The following SPSB4 variants were observed in gnomAD, a reference collection of about 807,000 sequenced individuals.
SPSB4 encodes the protein splA/ryanodine receptor domain and SOCS box containing 4.
SPSB4 carries 21 observed loss-of-function variants against 20.9 expected under a neutral mutation model. That is an observed-to-expected ratio of 1.01 (90% CI 0.71 to 1.45). The LOEUF (loss-of-function observed/expected upper bound fraction) is 1.45, where lower values mean the gene tolerates loss of function less well. SPSB4 is among the 40% of genes most tolerant of loss of function. SPSB4 has a pLI of 0.00. For synonymous variants in SPSB4, 207 were observed against 183.8 expected, an observed-to-expected ratio of 1.13 and a Z score of -1.02; for missense variants, 399 against 399.2, an observed-to-expected ratio of 1.00 and a Z score of 0.00.
At chr3:141,092,247 GT>G (rs1356229984) in intron 2 of SPSB4, among the ~76,000 whole-genome samples, 1 of 152,202 alleles carries the variant, frequency 6.6e-6, no homozygotes, top group Non-Finnish European at 1.5e-5. Flanking sequence ...TCTCAGCATT[GT>G]TTAAGGATTA....
intron 2 of SPSB4, among the ~76,000 whole-genome samples, chr3:141,087,191 G>A (rs1938361008): frequency 6.6e-6 from 1 of 152,150 alleles, no homozygotes; most frequent in South Asian, 2.1e-4. Flanking sequence ...GTCCTTCTGG[G>A]GCTGGCGTAG....
rs563130823 is a variant in SPSB4 at position 141,122,557 on chromosome 3, G to A, written c.695-24585G>A. 4.6e-5 allele frequency among the ~76,000 whole-genome samples: 7 copies of A among 152,350 alleles called. No individual in the cohort carries two copies. In the East Asian group the frequency reaches 7.7e-4, roughly 17 times the overall value. On this transcript the variant is annotated intron_variant, in intron 2 of 2. Transcript: ENST00000310546. ...AATCTACAGCAAGGCAGCAGGCCTT[G>A]CTGAGCTGTGGTGGGCTCTGTCCTA...
At chr3:141,131,554 T>A (rs1939130299) in intron 2 of SPSB4, among the ~76,000 whole-genome samples, 1 of 150,648 alleles carries the variant, frequency 6.6e-6, no homozygotes, top group South Asian at 2.1e-4. Flanking sequence ...CTGCCCTAAC[T>A]TCATCACCTT....
chr3:141,098,578 G>A (rs115638402), intron 2 of SPSB4, among the ~76,000 whole-genome samples: 1 of 151,936 alleles, frequency 6.6e-6, no homozygotes, highest in African/African-American at 2.4e-5. Flanking sequence ...TTCCTAACTT[G>A]CTATTTGTCT....
At chr3:141,134,278 C>A (rs1332657162) in intron 2 of SPSB4, among the ~76,000 whole-genome samples, 2 of 151,946 alleles carry the variant, frequency 1.3e-5, no homozygotes, top group Non-Finnish European at 2.9e-5. Context: ...AGTTTGACTT[C>A]CTCTTTACAG....
intron 2 of SPSB4, chr3:141,077,031 T>C (rs1576520914): frequency 6.6e-6 from 1 of 152,090 alleles, no homozygotes; most frequent in Non-Finnish European, 1.5e-5. Flanking sequence ...ATTTACAGGG[T>C]CGGGAGCCAG....
In SPSB4 at chr3:141,066,186, G is replaced by T. The variant is rs1937866997; in HGVS notation, c.82G>T (p.Gly28Cys). Reference sequence around the variant, plus strand: ...GCGGCCGGCCAAGCGGGAGCTGCGGGGTGCAGAGCCCGGGCGGCCGGCGCG... The same window carrying T: ...GCGGCCGGCCAAGCGGGAGCTGCGGTGTGCAGAGCCCGGGCGGCCGGCGCG... ...ALRPAKRELR[G>C]AEPGRPARLD... The change falls in exon 2 of 3, where the codon GGT (glycine) becomes TGT (cysteine). Residue 28 changes from glycine to cysteine, a missense_variant. By Grantham distance (159) the Gly-to-Cys change is radical (BLOSUM62 -3). Transcript: ENST00000310546. 6.5e-7 allele frequency: 1 copy of T among 1,531,758 alleles called. No individual in the cohort carries two copies. The highest frequency in any genetic ancestry group is 2.1e-5 in the Admixed American group (1 of 48,624). The allele number at this position is 1,531,758 out of a possible 1,614,324, so 94.9% of individuals were successfully genotyped here.
intron 2 of SPSB4, among the ~76,000 whole-genome samples, chr3:141,067,134 A>G (rs1315921397): frequency 6.6e-6 from 1 of 152,212 alleles, no homozygotes; most frequent in African/African-American, 2.4e-5. Context: ...TTGAGTGTTG[A>G]TGCCAATTAC....
intron 2 of SPSB4, among the ~76,000 whole-genome samples, chr3:141,076,696 C>T (rs959659719): frequency 1.8e-4 from 27 of 152,326 alleles, no homozygotes; most frequent in African/African-American, 6.3e-4. Flanking sequence ...AGGCCTACTC[C>T]AGCACCCACA....
chr3:141,136,863 C>T (rs1187478629), intron 2 of SPSB4, among the ~76,000 whole-genome samples: 1 of 152,100 alleles, frequency 6.6e-6, no homozygotes, highest in Non-Finnish European at 1.5e-5. Flanking sequence ...GTAGTTTTTT[C>T]CAATTCTGTG....
chr3:141,087,238 G>T (rs754941265), intron 2 of SPSB4, among the ~76,000 whole-genome samples: 12 of 152,178 alleles, frequency 7.9e-5, no homozygotes, highest in Non-Finnish European at 1.5e-4. Context: ...GCAGTAGGTT[G>T]ACTGGCCGGA....
At chr3:141,143,561 A>T (rs565487962) in intron 2 of SPSB4, among the ~76,000 whole-genome samples, 1 of 152,302 alleles carries the variant, frequency 6.6e-6, no homozygotes, top group African/African-American at 2.4e-5. Context: ...CTTTGGTTAT[A>T]GATGTTTAGT....
At chr3:141,107,695 G>A (rs1237030709) in intron 2 of SPSB4, among the ~76,000 whole-genome samples, 1 of 152,194 alleles carries the variant, frequency 6.6e-6, no homozygotes, top group African/African-American at 2.4e-5. Flanking sequence ...AGTGGCTCAG[G>A]CCTGTAATCC....
rs1343511249 is a variant in SPSB4 at position 141,096,851 on chromosome 3, AT to A, written c.694+30059del. 2.6e-5 allele frequency among the ~76,000 whole-genome samples: 4 copies of A among 152,066 alleles called. No individual in the cohort carries two copies. In the South Asian group the frequency reaches 8.3e-4, roughly 32 times the overall value. Reference sequence around the variant, plus strand: ...AATAAATTCACCATATGTCTCAAACATTTTTTAAGGCCCTTGAAAAACACAT... The same window carrying A: ...AATAAATTCACCATATGTCTCAAACATTTTTAAGGCCCTTGAAAAACACAT... On this transcript the variant is annotated intron_variant, in intron 2 of 2. Coordinates refer to ENST00000310546, the MANE Select transcript of SPSB4 (RefSeq NM_080862.3).
chr3:141,137,178 G>T (rs1052753541), intron 2 of SPSB4, among the ~76,000 whole-genome samples: 6 of 152,128 alleles, frequency 3.9e-5, no homozygotes, highest in Non-Finnish European at 1.5e-5. Context: ...TGTGATTTTT[G>T]CACATTGATT....
chr3:141,111,354 C>CTTTT lies in SPSB4; in HGVS notation c.695-35765_695-35762dup, dbSNP rs34223433. 5.8e-4 allele frequency among the ~76,000 whole-genome samples: 36 copies of CTTTT among 61,794 alleles called. 2 individuals are homozygous for CTTTT. The highest frequency in any genetic ancestry group is 1.1e-3 in the African/African-American group (17 of 15,106). 40.5% of individuals were successfully genotyped at this position (61,794 alleles called of 152,430 possible). A position where few individuals can be genotyped will look rare whatever the true frequency, so the allele number is the denominator to read the frequency against. ...CCTAATTACTAAACCCTGGAACTTGCTTTTTTTTTTTTTTTTTTTTTTTTT... is the reference window on the plus strand; with the variant it reads ...CCTAATTACTAAACCCTGGAACTTGCTTTTTTTTTTTTTTTTTTTTTTTTTTTTT... On this transcript the variant is annotated intron_variant, in intron 2 of 2. Coordinates refer to ENST00000310546, the MANE Select transcript of SPSB4 (RefSeq NM_080862.3).
At chr3:141,053,144 T>C (rs1466653349) in intron 1 of SPSB4, among the ~76,000 whole-genome samples, 1 of 151,418 alleles carries the variant, frequency 6.6e-6, no homozygotes, top group Non-Finnish European at 1.5e-5. Context: ...CCTTGGGGGG[T>C]TGGGGGATGA....
intron 2 of SPSB4, among the ~76,000 whole-genome samples, chr3:141,129,286 C>T (rs970014500): frequency 2.0e-5 from 3 of 152,316 alleles, no homozygotes; most frequent in East Asian, 1.9e-4. Context: ...CAAAGGCTGC[C>T]CTGCTCAAAC....
chr3:141,107,338 C>T (rs12496637), intron 2 of SPSB4, among the ~76,000 whole-genome samples: 2,613 of 152,272 alleles, frequency 0.017, 146 homozygotes, highest in Admixed American at 0.12. Context: ...ATGGTAATGT[C>T]GCTTCATTCA....
Sources: allele counts gnomAD v4.1 joint callset (sites outside exome capture counted in the v4.1 genomes callset), GRCh38; gene constraint gnomAD v4.1.1; transcripts MANE v1.5; gene names NCBI Gene and HGNC (gene_info 2026-07-23, HGNC 2026-07-21).